The following ATP6V1C2 variants were observed in gnomAD, a reference collection of about 807,000 sequenced individuals.
ATP6V1C2 encodes ATPase H+ transporting V1 subunit C2.
ATP6V1C2 carries 45 observed loss-of-function variants against 56.8 expected under a neutral mutation model. That is an observed-to-expected ratio of 0.79 (90% CI 0.62 to 1.02). ATP6V1C2 has a LOEUF of 1.02. Among genes scored for constraint, ATP6V1C2 ranks in the 50% least tolerant of loss-of-function variants. The probability of loss-of-function intolerance (pLI) is 0.00; values close to 1 mark genes in which losing one functional copy is unlikely to be tolerated. For synonymous variants in ATP6V1C2, 220 were observed against 201.3 expected, an observed-to-expected ratio of 1.09 and a Z score of -0.79; for missense variants, 463 against 519.7, an observed-to-expected ratio of 0.89 and a Z score of 1.06.
chr2:10,736,180 A>G (rs780787054), intron 3 of ATP6V1C2, among the ~76,000 whole-genome samples: 20 of 152,200 alleles, frequency 1.3e-4, no homozygotes, highest in African/African-American at 4.8e-4. Context: ...CCCAGGTGAT[A>G]CTGATGCTGC....
At chr2:10,759,853 G>A (rs1377543442) in intron 4 of ATP6V1C2, among the ~76,000 whole-genome samples, 3 of 152,156 alleles carry the variant, frequency 2.0e-5, no homozygotes, top group South Asian at 2.1e-4. Flanking sequence ...AGGTCAAGGA[G>A]CTTATATCAG....
At chr2:10,751,922 A>G (rs981375349) in intron 3 of ATP6V1C2, among the ~76,000 whole-genome samples, 2 of 152,130 alleles carry the variant, frequency 1.3e-5, no homozygotes, top group Admixed American at 6.5e-5. Context: ...AGCTTAGGCA[A>G]TATAGTAAGA....
At chr2:10,744,672 T>TTC (rs572978611) in intron 3 of ATP6V1C2, among the ~76,000 whole-genome samples, 2,806 of 140,502 alleles carry the variant, frequency 0.02, 37 homozygotes, top group Non-Finnish European at 0.023. Flanking sequence ...TCTTTTTCTT[T>TTC]TTTTTTTTTT....
chr2:10,756,063 A>C (rs1663536467), intron 4 of ATP6V1C2, among the ~76,000 whole-genome samples: 1 of 152,230 alleles, frequency 6.6e-6, no homozygotes, highest in Admixed American at 6.5e-5. Flanking sequence ...AAATGAGAGT[A>C]GAGATTATAC....
chr2:10,779,982 G>A (rs942641641), intron 12 of ATP6V1C2, among the ~76,000 whole-genome samples: 2 of 152,062 alleles, frequency 1.3e-5, no homozygotes, highest in South Asian at 2.1e-4. Context: ...TCTGACTCGC[G>A]GCCTCCTGGG....
chr2:10,745,459 ATTC>A (rs1662857453), intron 3 of ATP6V1C2, among the ~76,000 whole-genome samples: 2 of 151,066 alleles, frequency 1.3e-5, no homozygotes, highest in Admixed American at 6.6e-5. Context: ...GATTCAAGTG[ATTC>A]TCCTGCCTCA....
At position 10,778,643 on chromosome 2, in the gene ATP6V1C2, G is replaced by A; in HGVS notation, c.1035G>A (p.Leu345=). 1.2e-6 allele frequency: 2 copies of A among 1,614,204 alleles called. No individual in the cohort carries two copies. The highest frequency in any genetic ancestry group is 1.7e-6 in the Non-Finnish European group (2 of 1,180,026). The change falls in exon 12 of 14, where the codon CTG becomes CTA. Residue 345 remains leucine, a synonymous_variant. Transcript: ENST00000272238. ...TTGCCTGGATCCACATCAAGGCCCTGAGAGTGTTTGTGGAGTCCGTGCTCA... is the reference window on the plus strand; with the variant it reads ...TTGCCTGGATCCACATCAAGGCCCTAAGAGTGTTTGTGGAGTCCGTGCTCA... The part of the protein sequence containing the change: ...AFIAWIHIKA[L]RVFVESVLRY...
intron 3 of ATP6V1C2, among the ~76,000 whole-genome samples, chr2:10,726,772 G>A (rs1341752949): frequency 6.6e-6 from 1 of 152,144 alleles, no homozygotes; most frequent in Non-Finnish European, 1.5e-5. Context: ...GTCTGCTGGA[G>A]GCAGCACTTG....
chr2:10,750,744 C>T (rs535401528), intron 3 of ATP6V1C2, among the ~76,000 whole-genome samples: 1 of 152,258 alleles, frequency 6.6e-6, no homozygotes, highest in South Asian at 2.1e-4. Context: ...CAAATAACTA[C>T]TCAAAATATT....
chr2:10,778,133 G>C (rs904783224), intron 11 of ATP6V1C2, among the ~76,000 whole-genome samples: 9 of 152,292 alleles, frequency 5.9e-5, no homozygotes, highest in Admixed American at 2.0e-4. Context: ...AGGAAGACCT[G>C]CCACACCGGC....
intron 3 of ATP6V1C2, among the ~76,000 whole-genome samples, chr2:10,743,995 A>AAAT (rs761653246): frequency 2.5e-5 from 1 of 40,394 alleles, no homozygotes; most frequent in African/African-American, 5.7e-5. Flanking sequence ...AAAAAAAAAA[A>AAAT]AATAATAATA....
intron 1 of ATP6V1C2, 28 bp from the exon 2 acceptor site, chr2:10,722,796 T>C (rs774510397): frequency 1.9e-5 from 30 of 1,602,354 alleles, no homozygotes; most frequent in Non-Finnish European, 2.4e-5. Context: ...TGTTTCTGTT[T>C]GTGTATGTTT....
intron 2 of ATP6V1C2, among the ~76,000 whole-genome samples, chr2:10,723,711 C>T (rs1013519115): frequency 2.6e-5 from 4 of 151,506 alleles, no homozygotes; most frequent in East Asian, 2.0e-4. Flanking sequence ...TGGTGGCGAG[C>T]GCCTGTAGTC....
At chr2:10,765,474 C>T (rs1263750370) in intron 5 of ATP6V1C2, among the ~76,000 whole-genome samples, 1 of 152,258 alleles carries the variant, frequency 6.6e-6, no homozygotes, top group Non-Finnish European at 1.5e-5. Flanking sequence ...CGGTTTTCTA[C>T]TGTGACTGTG....
intron 4 of ATP6V1C2, among the ~76,000 whole-genome samples, chr2:10,760,795 G>T: frequency 6.6e-6 from 1 of 152,190 alleles, no homozygotes; most frequent in Non-Finnish European, 1.5e-5. Context: ...CAGATGGAAA[G>T]GGAGACCTCA....
intron 4 of ATP6V1C2, among the ~76,000 whole-genome samples, chr2:10,761,382 G>A (rs1663894429): frequency 1.3e-5 from 2 of 152,042 alleles, no homozygotes; most frequent in African/African-American, 4.8e-5. Context: ...TCCTGGAGGT[G>A]AGTTTCACTG....
intron 9 of ATP6V1C2, 46 bp from the exon 10 acceptor site, chr2:10,774,932 C>G (rs763431074): frequency 6.2e-7 from 1 of 1,612,042 alleles, no homozygotes; most frequent in Admixed American, 1.7e-5. Flanking sequence ...GTCTCTGCCC[C>G]TCTGGAAAGC....
intron 3 of ATP6V1C2, among the ~76,000 whole-genome samples, chr2:10,744,951 G>T (rs1247132715): frequency 6.6e-6 from 1 of 151,176 alleles, no homozygotes; most frequent in Admixed American, 6.6e-5. Flanking sequence ...TTACAAGCAT[G>T]AGCCATCGCA....
rs117858697 is a variant in ATP6V1C2, at chr2:10,741,833, C to T, written c.198-12148C>T. 1.9e-3 allele frequency among the ~76,000 whole-genome samples: 288 copies of T among 152,096 alleles called. 1 individual carries two copies. The highest frequency in any genetic ancestry group is 0.016 in the East Asian group (85 of 5,156). Reference sequence around the variant, plus strand: ...CCAGATGCCCTCCCTCCGATCCTGCCGTGTAACCTGGTTGCGCTCTTCCCA... The same window carrying T: ...CCAGATGCCCTCCCTCCGATCCTGCTGTGTAACCTGGTTGCGCTCTTCCCA... On this transcript the variant is annotated intron_variant, in intron 3 of 13. Transcript: ENST00000272238.
Sources: allele counts gnomAD v4.1 joint callset (sites outside exome capture counted in the v4.1 genomes callset), GRCh38; gene constraint gnomAD v4.1.1; transcripts MANE v1.5; gene names NCBI Gene and HGNC (gene_info 2026-07-23, HGNC 2026-07-21).